The following DHRSX variants were observed in gnomAD, a reference collection of about 807,000 sequenced individuals.
The protein encoded by DHRSX is polyprenol dehydrogenase.
A neutral mutation model predicts 34.0 loss-of-function variants in DHRSX; 31 were observed. The observed-to-expected ratio is 0.91, with a 90% CI of 0.69 to 1.23. The LOEUF (loss-of-function observed/expected upper bound fraction) is 1.23. Among genes scored for constraint, DHRSX ranks in the 50% most tolerant of loss-of-function variants. The pLI is 0.00. For synonymous variants in DHRSX, 201 were observed against 183.8 expected (o/e 1.09, Z -0.76); for missense variants, 414 against 428.1 (o/e 0.97, Z 0.29).
At chrX:2,238,687 G>A (rs962226647) in intron 6 of DHRSX, among the ~76,000 whole-genome samples, 2 of 150,852 alleles carry the variant, frequency 1.3e-5, no homozygotes, top group Non-Finnish European at 2.9e-5. Flanking sequence ...AGGTTCAAGC[G>A]ATTCCCCTGC....
At chrX:2,381,230 C>T (rs930717603) in intron 3 of DHRSX, among the ~76,000 whole-genome samples, 25 of 152,086 alleles carry the variant, frequency 1.6e-4, no homozygotes, top group Non-Finnish European at 2.2e-4. Context: ...CCCTTTAAGA[C>T]GTGATGAGGT....
In DHRSX at chrX:2,221,016, G is replaced by A; in HGVS notation, c.*25C>T. 2.5e-6 allele frequency: 4 copies of A among 1,608,926 alleles called. No homozygotes were observed. The highest frequency in any genetic ancestry group is 3.4e-6 in the Non-Finnish European group (4 of 1,176,880). On this transcript the variant is annotated 3_prime_UTR_variant, in exon 7 of 7. Transcript: ENST00000334651. ...TGGCAGGTGCAATGTGTTTCTTGGG[G>A]CAGCAGCTATCCTGAGACAGGATAT...
At chrX:2,402,874 A>G (rs2043503729) in intron 3 of DHRSX, among the ~76,000 whole-genome samples, 1 of 148,356 alleles carries the variant, frequency 6.7e-6, no homozygotes, top group South Asian at 2.2e-4. Context: ...TTACACCTTT[A>G]ATTGGTTTCT....
chrX:2,468,709 A>T (rs1334943423), intron 1 of DHRSX, among the ~76,000 whole-genome samples: 3 of 148,592 alleles, frequency 2.0e-5, no homozygotes, highest in Non-Finnish European at 3.0e-5. Flanking sequence ...CAAAGAATGC[A>T]GCCAAAGGAC....
intron 3 of DHRSX, among the ~76,000 whole-genome samples, chrX:2,395,001 GT>G (rs59954736): frequency 0.28 from 41,766 of 151,868 alleles, 6,024 homozygotes; most frequent in Middle Eastern, 0.37. Context: ...AGTGGTCCGA[GT>G]TACAGGTGAT....
chrX:2,325,580 T>G (rs2042376041), intron 3 of DHRSX, among the ~76,000 whole-genome samples: 1 of 152,094 alleles, frequency 6.6e-6, no homozygotes, highest in African/African-American at 2.4e-5. Flanking sequence ...GCAACCAGCC[T>G]TTCCTGTGGG....
chrX:2,426,221 C>G (rs1385074708), intron 1 of DHRSX, among the ~76,000 whole-genome samples: 2 of 152,286 alleles, frequency 1.3e-5, no homozygotes, highest in East Asian at 3.9e-4. Context: ...ATACAGTTTG[C>G]TTCATAGCTG....
chrX:2,305,129 T>C (rs1365639893), intron 3 of DHRSX, among the ~76,000 whole-genome samples: 1 of 151,084 alleles, frequency 6.6e-6, no homozygotes, highest in African/African-American at 2.4e-5. Context: ...CTGTACACTC[T>C]CACTCATAAG....
chrX:2,386,872 T>G (rs1355248959), intron 3 of DHRSX, among the ~76,000 whole-genome samples: 1 of 142,650 alleles, frequency 7.0e-6, no homozygotes, highest in Non-Finnish European at 1.5e-5. Context: ...AAACTACTAT[T>G]GATGGTTTTG....
intron 1 of DHRSX, among the ~76,000 whole-genome samples, chrX:2,476,617 A>G (rs1411598323): frequency 9.2e-5 from 14 of 152,152 alleles, no homozygotes; most frequent in Admixed American, 9.2e-4. Flanking sequence ...TTTTTATGCA[A>G]ATCATTTCAT....
chrX:2,233,157 G>C (rs1416071333), intron 6 of DHRSX, among the ~76,000 whole-genome samples: 1 of 150,744 alleles, frequency 6.6e-6, no homozygotes, highest in Non-Finnish European at 1.5e-5. Context: ...CCTGTGTAGA[G>C]CAAGGAACTG....
chrX:2,233,249 T>C (rs1346660388), intron 6 of DHRSX, among the ~76,000 whole-genome samples: 1 of 152,136 alleles, frequency 6.6e-6, no homozygotes, highest in African/African-American at 2.4e-5. Flanking sequence ...CTCGGAATGA[T>C]GAAGTGGGCT....
intron 3 of DHRSX, among the ~76,000 whole-genome samples, chrX:2,297,830 C>T (rs939632916): frequency 6.6e-6 from 1 of 151,476 alleles, no homozygotes; most frequent in African/African-American, 2.4e-5. Flanking sequence ...TCTTGGCTGA[C>T]TGCAACCTCC....
intron 2 of DHRSX, among the ~76,000 whole-genome samples, chrX:2,424,430 G>A (rs1272154814): frequency 1.3e-5 from 2 of 151,864 alleles, no homozygotes; most frequent in Non-Finnish European, 2.9e-5. Flanking sequence ...GTGAGGTGTC[G>A]GGAGGAACCA....
intron 1 of DHRSX, among the ~76,000 whole-genome samples, chrX:2,456,937 T>C (rs1306889273): frequency 6.6e-6 from 1 of 150,450 alleles, no homozygotes; most frequent in Non-Finnish European, 1.5e-5. Flanking sequence ...GAAAGAAGGA[T>C]GTGGACCGTG....
At chrX:2,297,571 T>C (rs915616474) in intron 3 of DHRSX, among the ~76,000 whole-genome samples, 5 of 152,176 alleles carry the variant, frequency 3.3e-5, no homozygotes, top group African/African-American at 1.2e-4. Flanking sequence ...GGTTTTCAAA[T>C]GAGGAAATTA....
At chrX:2,335,980 T>C (rs897476928) in intron 3 of DHRSX, among the ~76,000 whole-genome samples, 2 of 152,020 alleles carry the variant, frequency 1.3e-5, no homozygotes, top group African/African-American at 4.8e-5. Flanking sequence ...TGGAGCACAG[T>C]GTCTTTAATA....
intron 4 of DHRSX, among the ~76,000 whole-genome samples, chrX:2,273,995 G>A (rs944029385): frequency 3.9e-5 from 6 of 152,114 alleles, no homozygotes; most frequent in Non-Finnish European, 7.3e-5. Flanking sequence ...ATAATTCATC[G>A]TTAGTGAGCT....
intron 3 of DHRSX, among the ~76,000 whole-genome samples, chrX:2,291,955 G>C (rs1310017230): frequency 7.0e-6 from 1 of 143,696 alleles, no homozygotes; most frequent in African/African-American, 2.6e-5. Flanking sequence ...GGCCAGGCTG[G>C]TCTCAAACTC....
Sources: gnomAD v4.1 joint callset for allele counts (sites outside exome capture counted in the v4.1 genomes callset) on GRCh38, gnomAD v4.1.1 for gene constraint, MANE v1.5 for transcripts, NCBI Gene and HGNC (gene_info 2026-07-23, HGNC 2026-07-21) for gene names.